Variants in ELP2 observed in about 807,000 individuals in gnomAD.
ELP2 encodes the protein elongator complex protein 2.
In ELP2, 90 loss-of-function variants were observed where a neutral mutation model predicts 119.2. The ratio of observed to expected loss-of-function variants is 0.75; its 90% confidence interval spans 0.64 to 0.90. ELP2 has a LOEUF of 0.90. Among genes scored for constraint, ELP2 ranks in the 40% least tolerant of loss-of-function variants. The probability of loss-of-function intolerance (pLI) is 0.00; values close to 1 mark genes in which losing one functional copy is unlikely to be tolerated. For missense variants in ELP2, 921 were observed against 967.8 expected (o/e 0.95, Z 0.64); for synonymous variants, 339 against 331.0 (o/e 1.02, Z -0.26).
chr18:36,146,205 CAT>C (rs773014321), intron 10 of ELP2, 43 bp from the exon 11 acceptor site: 8 of 1,612,442 alleles, frequency 5.0e-6, no homozygotes, highest in Admixed American at 1.7e-5. Flanking sequence ...TTGTGAGAAA[CAT>C]AGACTATTGA....
At chr18:36,141,615 C>T (rs998975494) in intron 6 of ELP2, among the ~76,000 whole-genome samples, 4 of 151,394 alleles carry the variant, frequency 2.6e-5, no homozygotes, top group Admixed American at 2.6e-4. Context: ...ACTCTAAACT[C>T]ATTTATTTAA....
chr18:36,173,453 A>G (rs1015790387), intron 21 of ELP2, among the ~76,000 whole-genome samples: 1 of 152,244 alleles, frequency 6.6e-6, no homozygotes, highest in African/African-American at 2.4e-5. Flanking sequence ...GGTGCTTTCA[A>G]CAGTCAGATT....
chr18:36,141,078 T>C (rs551857464), intron 5 of ELP2, 59 bp from the exon 6 acceptor site: 1 of 1,369,362 alleles, frequency 7.3e-7, no homozygotes, highest in East Asian at 2.3e-5. Context: ...GTACAGTTGA[T>C]AAATCATAAC....
At chr18:36,169,670 G>C (rs1456640208) in intron 19 of ELP2, among the ~76,000 whole-genome samples, 2 of 152,170 alleles carry the variant, frequency 1.3e-5, no homozygotes, top group Non-Finnish European at 1.5e-5. Context: ...TTACAGGCAT[G>C]AGCCACCGCG....
At chr18:36,152,616 C>T (rs1013056584) in intron 11 of ELP2, among the ~76,000 whole-genome samples, 6 of 152,218 alleles carry the variant, frequency 3.9e-5, no homozygotes, top group African/African-American at 1.4e-4. Context: ...TGATGTTAGG[C>T]AGTCCCCATT....
At position 36,142,154 on chromosome 18, in the gene ELP2, T is replaced by C. The variant is rs1398890287; in HGVS notation, c.589-127T>C. The C allele has an allele frequency of 1.9e-5, 15 of 789,344 alleles. No homozygotes were observed. In the East Asian group the frequency reaches 3.2e-4, roughly 17 times the overall value. 48.9% of individuals were successfully genotyped at this position (789,344 alleles called of 1,614,324 possible). A position where few individuals can be genotyped will look rare whatever the true frequency, so the allele number is the denominator to read the frequency against. On this transcript the variant is annotated intron_variant, in intron 6 of 21. Transcript: ENST00000358232. The stretch of plus-strand genomic sequence containing the variant: ...TCATTCCCAAAGGAATGCTTTTTCT[T>C]GTCTAATCAAATAGTGTTCTCAGTA...
At chr18:36,158,550 G>A (rs2090637405) in intron 13 of ELP2, 2 of 316,154 alleles carry the variant, frequency 6.3e-6, no homozygotes, top group South Asian at 3.5e-5. Flanking sequence ...GTTATGGTTC[G>A]ATGAGGTCCC....
At chr18:36,160,879 G>C (rs2090716918) in intron 16 of ELP2, 53 bp from the exon 17 acceptor site, 2 of 1,186,990 alleles carry the variant, frequency 1.7e-6, no homozygotes, top group Non-Finnish European at 2.5e-6. Context: ...AAATTGTGTG[G>C]CATGAGAATA....
chr18:36,178,998 C>T lies in ELP2; in HGVS notation c.*4357C>T, dbSNP rs574932164. 1 of 152,464 alleles carries T rather than the reference C, an allele frequency of 6.6e-6. No individual in the cohort carries two copies. The highest frequency in any genetic ancestry group is 2.4e-5 in the African/African-American group (1 of 41,558). 9.4% of individuals were successfully genotyped at this position (152,464 alleles called of 1,614,324 possible). A position where few individuals can be genotyped will look rare whatever the true frequency, so the allele number is the denominator to read the frequency against. On this transcript the variant is annotated 3_prime_UTR_variant, in exon 22 of 22. Coordinates refer to ENST00000358232, the MANE Select transcript of ELP2 (RefSeq NM_018255.4). ...AATTGTTACATTGTGAGGAGTTCTT[C>T]CCCTTCTAGCATGTAGTGGATGGTC...
chr18:36,159,719 T>C lies in ELP2; in HGVS notation c.1535-16T>C. 6.3e-7 allele frequency: 1 copy of C among 1,576,978 alleles called. No homozygotes were observed. The highest frequency in any genetic ancestry group is 1.7e-4 in the Middle Eastern group (1 of 5,794). On this transcript the variant is annotated splice_polypyrimidine_tract_variant and intron_variant, in intron 14 of 21. Coordinates refer to ENST00000358232, the MANE Select transcript of ELP2 (RefSeq NM_018255.4). ...AAAAATAGTGACTATATTCTTGATG[T>C]GTTTCTTCAAACTAGGAGATATAGC...
chr18:36,158,680 G>A (rs1475800036), intron 13 of ELP2, 155 bp from the exon 14 acceptor site: 15 of 591,916 alleles, frequency 2.5e-5, no homozygotes, highest in South Asian at 8.0e-5. Flanking sequence ...GTGAAAGTAC[G>A]GGTAGACATC....
intron 12 of ELP2, 52 bp from the exon 13 acceptor site, chr18:36,156,414 A>T (rs2090573781): frequency 6.5e-7 from 1 of 1,536,092 alleles, no homozygotes; most frequent in African/African-American, 1.4e-5. Context: ...TAATTTGCTT[A>T]TTGAAAATTC....
intron 19 of ELP2, among the ~76,000 whole-genome samples, chr18:36,168,872 G>A (rs926544864): frequency 1.4e-5 from 2 of 146,478 alleles, no homozygotes; most frequent in African/African-American, 2.5e-5. Context: ...CTTTGGTTCT[G>A]CATTTTGCTA....
intron 11 of ELP2, among the ~76,000 whole-genome samples, chr18:36,147,988 A>G (rs962124391): frequency 3.3e-5 from 5 of 151,772 alleles, no homozygotes; most frequent in African/African-American, 1.2e-4. Flanking sequence ...GTGCTTAGCT[A>G]TTCGGAAGCT....
intron 8 of ELP2, among the ~76,000 whole-genome samples, 185 bp from the exon 9 acceptor site, chr18:36,144,754 T>C (rs976872584): frequency 2.6e-5 from 4 of 152,234 alleles, no homozygotes; most frequent in Non-Finnish European, 5.9e-5. Flanking sequence ...TAACTTTTTC[T>C]CCTATAATTT....
rs1214114311 is a variant in ELP2 at position 36,142,352 on chromosome 18, G to A, written c.655+5G>A. The A allele has an allele frequency of 4.3e-6, 7 of 1,613,334 alleles. No individual in the cohort carries two copies. The highest frequency in any genetic ancestry group is 1.3e-5 in the African/African-American group (1 of 74,902). ...GAGTGGAATGGGCAGCCTTTGGTCAGTATGAAATTTTGCTAATGCACATAC... is the reference window on the plus strand; with the variant it reads ...GAGTGGAATGGGCAGCCTTTGGTCAATATGAAATTTTGCTAATGCACATAC... On this transcript the variant is annotated splice_donor_5th_base_variant and intron_variant, in intron 7 of 21. Transcript: ENST00000358232.
rs1567966235 is a variant in ELP2 at position 36,130,038 on chromosome 18, C to A, written c.105C>A (p.Gly35=). Residue 35 remains glycine, a synonymous_variant, in exon 1 of 22, where the codon GGC becomes GGA. Transcript: ENST00000358232. ...GGCCCAGAGGACTTCTGGCCTTTGG[C>A]ACGTCCTGCTCCGTGGTGCTCTATG... is the stretch of plus-strand genomic sequence containing the variant. ...SSGPRGLLAF[G]TSCSVVLYDP... is the part of the protein sequence containing the mutation. 1 of 1,614,174 alleles carries A rather than the reference C, an allele frequency of 6.2e-7. No individual in the cohort carries two copies. Among genetic ancestry groups the A allele is most frequent in the East Asian group, 2.2e-5 (1 of 44,882 alleles).
In ELP2 at chr18:36,166,289, T is replaced by C. The variant is rs193080414; in HGVS notation, c.1955-812T>C. Reference sequence around the variant, plus strand: ...TAGATACGCTCTTATTCCCTCCTCATAAACAGTTATGTGGTTTTTGTTTTT... The same window carrying C: ...TAGATACGCTCTTATTCCCTCCTCACAAACAGTTATGTGGTTTTTGTTTTT... On this transcript the variant is annotated intron_variant, in intron 18 of 21. Coordinates refer to ENST00000358232, the MANE Select transcript of ELP2 (RefSeq NM_018255.4). Among the ~76,000 whole-genome samples, 277 of 148,292 alleles carry C rather than the reference T, an allele frequency of 1.9e-3. 1 individual carries two copies. The highest frequency in any genetic ancestry group is 6.6e-3 in the African/African-American group (270 of 40,642).
chr18:36,163,289 T>TGTGC (rs1555644870), intron 17 of ELP2, among the ~76,000 whole-genome samples: 6 of 151,852 alleles, frequency 4.0e-5, no homozygotes, highest in African/African-American at 1.5e-4. Flanking sequence ...TGTGTGTGTG[T>TGTGC]GTGTGTGTGT....
Sources: gnomAD v4.1 joint callset for allele counts (sites outside exome capture counted in the v4.1 genomes callset) on GRCh38, gnomAD v4.1.1 for gene constraint, MANE v1.5 for transcripts, NCBI Gene and HGNC (gene_info 2026-07-23, HGNC 2026-07-21) for gene names.